ITSN2: variants seen among roughly 807,000 people sequenced by gnomAD.
The protein encoded by ITSN2 is intersectin 2.
A neutral mutation model predicts 243.7 loss-of-function variants in ITSN2; 156 were observed. The observed-to-expected ratio is 0.64, with a 90% CI of 0.56 to 0.73. ITSN2 has a LOEUF of 0.73. Ranked by LOEUF, ITSN2 falls within the 30% of genes least tolerant of loss-of-function variation. The pLI is 0.00. For synonymous variants in ITSN2, 703 were observed against 699.9 expected, an observed-to-expected ratio of 1.00 and a Z score of -0.07; for missense variants, 1,801 against 1,996.1, an observed-to-expected ratio of 0.90 and a Z score of 1.86.
At chr2:24,237,366 C>CCTCT (rs3036190) in intron 29 of ITSN2, among the ~76,000 whole-genome samples, 148,956 of 152,142 alleles carry the variant, frequency 0.98, 72,919 homozygotes, top group East Asian at 0.99. Context: ...TCTCATATAA[C>CCTCT]CTGTTTCCCA....
At chr2:24,271,347 T>C (rs1677320023) in intron 19 of ITSN2, among the ~76,000 whole-genome samples, 2 of 152,228 alleles carry the variant, frequency 1.3e-5, no homozygotes, top group South Asian at 4.1e-4. Context: ...TCATTAATAA[T>C]GATTCAAAGG....
intron 29 of ITSN2, among the ~76,000 whole-genome samples, chr2:24,233,901 A>AACAT (rs1191741498): frequency 6.6e-6 from 1 of 152,210 alleles, no homozygotes; most frequent in African/African-American, 2.4e-5. Context: ...ACAAGCTTAA[A>AACAT]ACATCTCTCT....
intron 1 of ITSN2, among the ~76,000 whole-genome samples, chr2:24,341,440 G>C (rs1189711723): frequency 1.3e-5 from 2 of 152,214 alleles, no homozygotes; most frequent in Non-Finnish European, 2.9e-5. Context: ...TCGGGATACA[G>C]AGTTAAGAGT....
At chr2:24,252,223 T>C in intron 25 of ITSN2, 122 bp downstream of exon 25, 1 of 748,396 alleles carries the variant, frequency 1.3e-6, no homozygotes, top group East Asian at 2.7e-5. Context: ...ATCAAAACCA[T>C]AAACATGATC....
intron 1 of ITSN2, among the ~76,000 whole-genome samples, chr2:24,332,224 A>T (rs1685873189): frequency 6.6e-6 from 1 of 152,190 alleles, no homozygotes; most frequent in Non-Finnish European, 1.5e-5. Flanking sequence ...CATGGGCAAC[A>T]AGGGCAAAAC....
At chr2:24,255,875 C>G (rs1454167773) in intron 23 of ITSN2, among the ~76,000 whole-genome samples, 1 of 152,118 alleles carries the variant, frequency 6.6e-6, no homozygotes, top group East Asian at 1.9e-4. Flanking sequence ...CATGGAGAAA[C>G]CCCGTCTCTG....
chr2:24,289,164 G>A (rs141191493), intron 15 of ITSN2, among the ~76,000 whole-genome samples: 113 of 152,238 alleles, frequency 7.4e-4, no homozygotes, highest in Admixed American at 6.2e-3. Flanking sequence ...AATGCTATTT[G>A]AATTCTGATA....
Position 24,210,693 on chromosome 2 carries a change from C to T in ITSN2, c.4257+87G>A. On this transcript the variant is annotated intron_variant, in intron 34 of 39. Coordinates refer to ENST00000355123, the MANE Select transcript of ITSN2 (RefSeq NM_006277.3). ...GAGTCCACGCAGGCTGCCTAAGGTG[C>T]AGACTGTCCACGTGAGGGAAGGCTC... 4 of 1,294,492 alleles carry T rather than the reference C, an allele frequency of 3.1e-6. No homozygotes were observed. In the South Asian group the frequency reaches 4.0e-5, roughly 13 times the overall value. The allele number at this position is 1,294,492 out of a possible 1,614,324, so 80.2% of individuals were successfully genotyped here. A position where few individuals can be genotyped will look rare whatever the true frequency, so the allele number is the denominator to read the frequency against.
chr2:24,310,139 T>C lies in ITSN2; in HGVS notation c.653+145A>G, dbSNP rs183248352. 5.5e-5 allele frequency: 29 copies of C among 528,516 alleles called. No individual in the cohort carries two copies. In the Admixed American group the frequency reaches 6.1e-4, roughly 11 times the overall value. 32.7% of individuals were successfully genotyped at this position (528,516 alleles called of 1,614,324 possible). ...AATAAAAAATTTATTTTATGTGAGT[T>C]GTAAGTAGTAAATTTACCTTAAGTA... On this transcript the variant is annotated intron_variant, in intron 7 of 39. Coordinates refer to ENST00000355123, the MANE Select transcript of ITSN2 (RefSeq NM_006277.3).
intron 1 of ITSN2, among the ~76,000 whole-genome samples, chr2:24,340,437 C>T (rs551105128): frequency 3.5e-4 from 52 of 150,048 alleles, no homozygotes; most frequent in African/African-American, 1.2e-3. Context: ...ACTGAGATCA[C>T]GTCACTGCAC....
chr2:24,277,885 A>C (rs1404392960), intron 17 of ITSN2, among the ~76,000 whole-genome samples: 2 of 152,208 alleles, frequency 1.3e-5, no homozygotes, highest in Non-Finnish European at 1.5e-5. Flanking sequence ...GTTTTAAGAA[A>C]GTTTACAAAT....
rs1213831601 is a variant in ITSN2, at chr2:24,295,235, T to C, written c.1635+429A>G. On this transcript the variant is annotated intron_variant, in intron 14 of 39. Transcript: ENST00000355123. ...CTGATATTGTATACAGGATTGCGTG[T>C]ATTTAGATCACAAGCCTATCAAAGA... Among the ~76,000 whole-genome samples, 4 of 152,200 alleles carry C rather than the reference T, an allele frequency of 2.6e-5. No individual in the cohort carries two copies. In the East Asian group the frequency reaches 7.7e-4, roughly 29 times the overall value.
At position 24,236,755 on chromosome 2, in the gene ITSN2, G is replaced by T. The variant is rs555564563; in HGVS notation, c.3577+9374C>A. Among the ~76,000 whole-genome samples, 288 of 148,852 alleles carry T rather than the reference G, an allele frequency of 1.9e-3. 2 individuals are homozygous for T. Among genetic ancestry groups the T allele is most frequent in the African/African-American group, 7.1e-3 (286 of 40,408 alleles). ...TGTGATCTCAGCTCACTGCAGCCTCGATCTCCCAGGCTCAATTGAACTGCC... is the reference window on the plus strand; with the variant it reads ...TGTGATCTCAGCTCACTGCAGCCTCTATCTCCCAGGCTCAATTGAACTGCC... On this transcript the variant is annotated intron_variant, in intron 29 of 39. Coordinates refer to ENST00000355123, the MANE Select transcript of ITSN2 (RefSeq NM_006277.3).
In ITSN2 at chr2:24,285,867, T is replaced by A. The variant is rs569113971; in HGVS notation, c.1863+345A>T. Among the ~76,000 whole-genome samples, 3 of 152,342 alleles carry A rather than the reference T, an allele frequency of 2.0e-5. No homozygotes were observed. In the East Asian group the frequency reaches 5.8e-4, roughly 29 times the overall value. ...CACTAACACCTAAACTATTTCAAATTTTCCATATTTCTCATTTTTGAAAAT... is the reference window on the plus strand; with the variant it reads ...CACTAACACCTAAACTATTTCAAATATTCCATATTTCTCATTTTTGAAAAT... On this transcript the variant is annotated intron_variant, in intron 16 of 39. Transcript: ENST00000355123.
At chr2:24,324,793 C>T (rs1481427492) in intron 2 of ITSN2, among the ~76,000 whole-genome samples, 1 of 135,268 alleles carries the variant, frequency 7.4e-6, no homozygotes, top group African/African-American at 2.8e-5. Context: ...GTTGAGATTG[C>T]AGTGAGCAAT....
In ITSN2 at chr2:24,306,892, G is replaced by C. The variant is rs796531785; in HGVS notation, c.793+1725C>G. On this transcript the variant is annotated intron_variant, in intron 8 of 39. Coordinates refer to ENST00000355123, the MANE Select transcript of ITSN2 (RefSeq NM_006277.3). ...GCAATCTCGGCTCACTGCAACCTCC[G>C]CCTCCTAGGTTCAAGCAATTCTCCT... is the stretch of plus-strand genomic sequence containing the variant. Among the ~76,000 whole-genome samples, 9 of 151,578 alleles carry C rather than the reference G, an allele frequency of 5.9e-5. 1 individual carries two copies. Among genetic ancestry groups the C allele is most frequent in the African/African-American group, 2.2e-4 (9 of 41,268 alleles).
Position 24,293,685 on chromosome 2 carries a change from T to C in ITSN2, c.1723+3A>G. On this transcript the variant is annotated splice_donor_region_variant and intron_variant, in intron 15 of 39. Transcript: ENST00000355123. ...AGTAATCAGACAAACCTTAGAGACT[T>C]ACCAGGTGTGTTACTGAACTGCATG... The C allele has an allele frequency of 9.8e-7, 1 of 1,018,790 alleles. No individual in the cohort carries two copies. Among genetic ancestry groups the C allele is most frequent in the Non-Finnish European group, 1.5e-6 (1 of 681,232 alleles). 63.1% of individuals were successfully genotyped at this position (1,018,790 alleles called of 1,614,324 possible).
intron 1 of ITSN2, among the ~76,000 whole-genome samples, chr2:24,329,024 C>G (rs968964778): frequency 6.6e-6 from 1 of 152,114 alleles, no homozygotes; most frequent in African/African-American, 2.4e-5. Context: ...GTTATTTAAC[C>G]TTTTTTGAGA....
intron 15 of ITSN2, among the ~76,000 whole-genome samples, chr2:24,287,507 C>T (rs745851904): frequency 5.4e-4 from 82 of 152,070 alleles, no homozygotes; most frequent in Non-Finnish European, 1.0e-3. Context: ...CATAAGGGAG[C>T]GCAAATATCT....
Sources: gnomAD v4.1 joint callset for allele counts (sites outside exome capture counted in the v4.1 genomes callset) on GRCh38, gnomAD v4.1.1 for gene constraint, MANE v1.5 for transcripts, NCBI Gene and HGNC (gene_info 2026-07-23, HGNC 2026-07-21) for gene names.